The following SPATA7 variants were observed in gnomAD, a reference collection of about 807,000 sequenced individuals.
SPATA7 encodes spermatogenesis associated 7, also known as spermatogenesis-associated protein 7.
In SPATA7, 43 loss-of-function variants were observed where a neutral mutation model predicts 51.8. The observed-to-expected ratio is 0.83, with a 90% CI of 0.65 to 1.07. The LOEUF is 1.07. Among genes scored for constraint, SPATA7 ranks in the 50% least tolerant of loss-of-function variants. The probability of loss-of-function intolerance (pLI) is 0.00; values close to 1 mark genes in which losing one functional copy is unlikely to be tolerated. For synonymous variants in SPATA7, 230 were observed against 252.8 expected, an observed-to-expected ratio of 0.91 and a Z score of 0.86; for missense variants, 683 against 701.3, an observed-to-expected ratio of 0.97 and a Z score of 0.30.
chr14:88,442,249 G>C (rs1245967276), downstream of SPATA7, among the ~76,000 whole-genome samples: 1 of 152,042 alleles, frequency 6.6e-6, no homozygotes, highest in Non-Finnish European at 1.5e-5. Context: ...GAGTGCAGTG[G>C]TGTGATCTGG....
At chr14:88,426,030 ATTAC>A (rs879606388) in intron 5 of SPATA7, among the ~76,000 whole-genome samples, 198 bp from the exon 6 acceptor site, 6 of 152,212 alleles carry the variant, frequency 3.9e-5, no homozygotes, top group Non-Finnish European at 7.3e-5. Flanking sequence ...TGATTGCTCT[ATTAC>A]TTATATTTGG....
chr14:88,409,443 C>G (rs183660607), intron 4 of SPATA7, among the ~76,000 whole-genome samples: 2 of 152,018 alleles, frequency 1.3e-5, no homozygotes, highest in Admixed American at 1.3e-4. Context: ...GTGATATCCC[C>G]TTTGTCGTTT....
intron 5 of SPATA7, among the ~76,000 whole-genome samples, chr14:88,423,535 A>G (rs913144816): frequency 1.3e-5 from 2 of 151,714 alleles, no homozygotes; most frequent in Non-Finnish European, 2.9e-5. Flanking sequence ...CAGCCTGGGT[A>G]ACAAAGTAAG....
chr14:88,453,928 G>T (rs2077267668), intron 3 of SPATA7, among the ~76,000 whole-genome samples: 1 of 152,182 alleles, frequency 6.6e-6, no homozygotes, highest in Admixed American at 6.6e-5. Context: ...TAAGCTTGTT[G>T]CCTTGTGCAT....
At chr14:88,399,910 G>A (rs59769624) in intron 4 of SPATA7, among the ~76,000 whole-genome samples, 5,369 of 152,208 alleles carry the variant, frequency 0.035, 312 homozygotes, top group African/African-American at 0.12. Context: ...ACTTTCAATA[G>A]TGGATACATA....
At position 88,385,749 on chromosome 14, in the gene SPATA7, C is replaced by T; in HGVS notation, c.-70C>T. 1.3e-6 allele frequency: 2 copies of T among 1,486,662 alleles called. No homozygotes were observed. The highest frequency in any genetic ancestry group is 1.8e-4 in the Middle Eastern group (1 of 5,594). 92.1% of individuals were successfully genotyped at this position (1,486,662 alleles called of 1,614,324 possible). On this transcript the variant is annotated 5_prime_UTR_variant, in exon 1 of 12. Coordinates refer to ENST00000393545, the MANE Select transcript of SPATA7 (RefSeq NM_018418.5). ...CTTTTCCAGTCCTCCACTGCCGGGG[C>T]TGGGCCCGGCCGCGGGAAGGACCGA...
At chr14:88,405,009 A>T (rs1016438641) in intron 4 of SPATA7, among the ~76,000 whole-genome samples, 1 of 152,254 alleles carries the variant, frequency 6.6e-6, no homozygotes, top group Non-Finnish European at 1.5e-5. Flanking sequence ...CAATGGAAAA[A>T]AAATGACTGA....
At chr14:88,428,890 T>C (rs73327447) in intron 7 of SPATA7, 5,400 of 176,742 alleles carry the variant, frequency 0.031, 309 homozygotes, top group African/African-American at 0.12. Context: ...GTTTGTGGTG[T>C]GTAGTAAGGA....
rs59603961 is a variant in SPATA7 at position 88,396,875 on chromosome 14, C to CTTTT, written c.238+682_238+685dup. On this transcript the variant is annotated intron_variant, in intron 4 of 11. Coordinates refer to ENST00000393545, the MANE Select transcript of SPATA7 (RefSeq NM_018418.5). ...ACTATTTTCTTTTCTTTTCTTTTTT[C>CTTTT]TTTTTTTTTTTTTGAGACAGGGTCT... Among the ~76,000 whole-genome samples the CTTTT allele has an allele frequency of 2.7e-3, 377 of 138,494 alleles. 3 individuals carry two copies. The highest frequency in any genetic ancestry group is 4.7e-3 in the Admixed American group (64 of 13,688). 90.9% of individuals were successfully genotyped at this position (138,494 alleles called of 152,430 possible). A position where few individuals can be genotyped will look rare whatever the true frequency, so the allele number is the denominator to read the frequency against.
intron 1 of SPATA7, among the ~76,000 whole-genome samples, chr14:88,387,125 G>A (rs930231336): frequency 1.9e-4 from 29 of 152,098 alleles, no homozygotes; most frequent in African/African-American, 7.0e-4. Flanking sequence ...AGATCACAGC[G>A]GCAGAACAGG....
rs142151934 is a variant in SPATA7, at chr14:88,403,614, T to G, written c.238+7411T>G. ...AACACAGATGAACCTGAGGGTTCATTTTAGCTTCCACATATAAGTGAGATC... is the reference window on the plus strand; with the variant it reads ...AACACAGATGAACCTGAGGGTTCATGTTAGCTTCCACATATAAGTGAGATC... On this transcript the variant is annotated intron_variant, in intron 4 of 11. Coordinates refer to ENST00000393545, the MANE Select transcript of SPATA7 (RefSeq NM_018418.5). Among the ~76,000 whole-genome samples the G allele has an allele frequency of 7.9e-5, 12 of 152,316 alleles. No homozygotes were observed. The East Asian group carries it at 2.3e-3, about 29-fold the overall frequency.
rs766511222 is a variant in SPATA7, at chr14:88,416,852, A to G, written c.372+8A>G. On this transcript the variant is annotated splice_region_variant and intron_variant, in intron 5 of 11. Transcript: ENST00000393545. Reference sequence around the variant, plus strand: ...TTTAATACCTTACAAAAGGTAAGATAGTATTTTTATTTTTTAAAAGCAAAT... The same window carrying G: ...TTTAATACCTTACAAAAGGTAAGATGGTATTTTTATTTTTTAAAAGCAAAT... 20 of 1,574,396 alleles carry G rather than the reference A, an allele frequency of 1.3e-5. No homozygotes were observed. Among genetic ancestry groups the G allele is most frequent in the Non-Finnish European group, 1.7e-5 (20 of 1,146,772 alleles).
At chr14:88,425,588 T>C (rs1309196865) in intron 5 of SPATA7, among the ~76,000 whole-genome samples, 1 of 152,088 alleles carries the variant, frequency 6.6e-6, no homozygotes, top group Non-Finnish European at 1.5e-5. Flanking sequence ...CCTGTAGAAA[T>C]GGTTTTCCTA....
At chr14:88,454,696 T>C (rs1197606462) in intron 3 of SPATA7, among the ~76,000 whole-genome samples, 2 of 151,918 alleles carry the variant, frequency 1.3e-5, no homozygotes, top group Non-Finnish European at 2.9e-5. Context: ...TAGTCCTAGC[T>C]AATTGGGAGG....
chr14:88,447,195 T>G (rs1166825588), intron 3 of SPATA7, among the ~76,000 whole-genome samples: 2 of 150,252 alleles, frequency 1.3e-5, no homozygotes, highest in Admixed American at 1.3e-4. Context: ...ATATTTAGGA[T>G]AGTTAGCTCT....
At chr14:88,431,900 T>G (rs750998587) in intron 9 of SPATA7, among the ~76,000 whole-genome samples, 1 of 152,196 alleles carries the variant, frequency 6.6e-6, no homozygotes, top group Non-Finnish European at 1.5e-5. Context: ...ATCAATCGTA[T>G]AATACATACT....
At chr14:88,468,325 G>T in intron 4 of SPATA7, 1 of 1,475,610 alleles carries the variant, frequency 6.8e-7, no homozygotes, top group Non-Finnish European at 9.1e-7. Flanking sequence ...AGAAAGGATG[G>T]GAGGACACGA....
chr14:88,418,693 C>CT (rs1566772303), intron 5 of SPATA7, among the ~76,000 whole-genome samples: 1 of 152,172 alleles, frequency 6.6e-6, no homozygotes, highest in Admixed American at 6.5e-5. Flanking sequence ...AGGTTGGTCT[C>CT]TAACTCCTGA....
chr14:88,452,214 G>A (rs1360529748), intron 3 of SPATA7, among the ~76,000 whole-genome samples: 1 of 152,114 alleles, frequency 6.6e-6, no homozygotes, highest in Non-Finnish European at 1.5e-5. Context: ...CACCCAGCAG[G>A]GCTACCAAGC....
Sources: allele counts gnomAD v4.1 joint callset (sites outside exome capture counted in the v4.1 genomes callset), GRCh38; gene constraint gnomAD v4.1.1; transcripts MANE v1.5; gene names NCBI Gene and HGNC (gene_info 2026-07-23, HGNC 2026-07-21).